LINGO2: variants seen among roughly 807,000 people sequenced by gnomAD.
LINGO2 encodes the protein leucine-rich repeat and immunoglobulin-like domain-containing nogo receptor-interacting protein 2.
A neutral mutation model predicts 30.6 loss-of-function variants in LINGO2; 14 were observed. The ratio of observed to expected loss-of-function variants is 0.46; its 90% CI spans 0.30 to 0.72. The LOEUF (loss-of-function observed/expected upper bound fraction) is 0.72, where lower values mean the gene tolerates loss of function less well. LINGO2 is among the 30% of genes least tolerant of loss of function. LINGO2 has a pLI of 0.07. For missense variants in LINGO2, 729 were observed against 751.7 expected (o/e 0.97, Z 0.35); for synonymous variants, 317 against 288.5 (o/e 1.10, Z -1.00).
At chr9:28,159,796 A>G (rs145222776) in intron 4 of LINGO2, among the ~76,000 whole-genome samples, 103 of 152,336 alleles carry the variant, frequency 6.8e-4, no homozygotes, top group Middle Eastern at 3.4e-3. Flanking sequence ...AACGATAAAC[A>G]TTATTTCAAA....
At chr9:28,427,457 C>A (rs1040997522) in intron 2 of LINGO2, among the ~76,000 whole-genome samples, 1 of 152,142 alleles carries the variant, frequency 6.6e-6, no homozygotes, top group African/African-American at 2.4e-5. Context: ...ATATTCTCTC[C>A]ATTAATCCTC....
chr9:28,534,357 A>G (rs1821346212), intron 1 of LINGO2, among the ~76,000 whole-genome samples: 1 of 152,100 alleles, frequency 6.6e-6, no homozygotes, highest in African/African-American at 2.4e-5. Flanking sequence ...ATGGTTGACT[A>G]CCTAAATACA....
intron 5 of LINGO2, among the ~76,000 whole-genome samples, chr9:27,983,902 A>C (rs533525328): frequency 5.3e-5 from 8 of 152,016 alleles, no homozygotes; most frequent in African/African-American, 1.9e-4. Flanking sequence ...CAAGGTCTAC[A>C]TCAGAGTCTT....
the LINGO2 span, among the ~76,000 whole-genome samples, chr9:29,029,857 C>A: frequency 7.3e-6 from 1 of 137,048 alleles, no homozygotes; most frequent in Non-Finnish European, 1.6e-5. Context: ...TTAAAAGAAG[C>A]TTTCAGTTTT....
intron 2 of LINGO2, among the ~76,000 whole-genome samples, chr9:28,435,004 C>CA (rs1823866295): frequency 6.6e-6 from 1 of 152,018 alleles, no homozygotes; most frequent in African/African-American, 2.4e-5. Context: ...TTTCATTTTA[C>CA]TTAAAAAAAA....
At chr9:27,975,387 T>G (rs941461671) in intron 5 of LINGO2, among the ~76,000 whole-genome samples, 1 of 151,068 alleles carries the variant, frequency 6.6e-6, no homozygotes, top group African/African-American at 2.4e-5. Flanking sequence ...TTCCAAAGGG[T>G]GGGGTAAATG....
At chr9:28,749,229 T>C in the LINGO2 span, among the ~76,000 whole-genome samples, 2 of 152,064 alleles carry the variant, frequency 1.3e-5, no homozygotes, top group Non-Finnish European at 2.9e-5. Context: ...TGTTCAGATA[T>C]CTCTTAGCAA....
At chr9:29,150,147 AT>A in the LINGO2 span, among the ~76,000 whole-genome samples, 1 of 152,196 alleles carries the variant, frequency 6.6e-6, no homozygotes, top group Non-Finnish European at 1.5e-5. Flanking sequence ...AGCAGCCCAA[AT>A]CACAATACCA....
intron 2 of LINGO2, among the ~76,000 whole-genome samples, chr9:28,466,219 C>A (rs1031652802): frequency 6.6e-6 from 1 of 152,092 alleles, no homozygotes; most frequent in Non-Finnish European, 1.5e-5. Flanking sequence ...AACCTACATG[C>A]CCACAAACAG....
chr9:29,030,305 C>T, the LINGO2 span, among the ~76,000 whole-genome samples: 1 of 152,004 alleles, frequency 6.6e-6, no homozygotes, highest in Admixed American at 6.6e-5. Context: ...TTCATCAATT[C>T]CACAATGCAT....
intron 4 of LINGO2, among the ~76,000 whole-genome samples, chr9:28,167,890 A>G (rs2891311): frequency 0.99 from 151,039 of 152,312 alleles, 74,906 homozygotes; most frequent in Middle Eastern, 1. Flanking sequence ...CACAGTAGTC[A>G]TCTCCTTCTC....
chr9:28,968,980 T>C, the LINGO2 span, among the ~76,000 whole-genome samples: 1 of 152,184 alleles, frequency 6.6e-6, no homozygotes, highest in African/African-American at 2.4e-5. Flanking sequence ...AAAGAGAATG[T>C]GGGAGCACAA....
chr9:28,226,238 G>T (rs1821138758), intron 4 of LINGO2, among the ~76,000 whole-genome samples: 2 of 152,184 alleles, frequency 1.3e-5, no homozygotes, highest in South Asian at 2.1e-4. Context: ...GTTGTTTCAG[G>T]TTCTACCCTC....
intron 4 of LINGO2, among the ~76,000 whole-genome samples, chr9:28,140,924 A>G (rs900981625): frequency 6.6e-6 from 1 of 150,464 alleles, no homozygotes; most frequent in Non-Finnish European, 1.5e-5. Flanking sequence ...TATACTTAAT[A>G]TAATCTTTAC....
intron 1 of LINGO2, among the ~76,000 whole-genome samples, chr9:28,555,546 A>T (rs898677245): frequency 1.3e-5 from 2 of 152,108 alleles, no homozygotes; most frequent in Non-Finnish European, 2.9e-5. Flanking sequence ...AGATGGATTC[A>T]CAGCCGACTT....
chr9:29,203,090 G>T, the LINGO2 span, among the ~76,000 whole-genome samples: 58 of 152,100 alleles, frequency 3.8e-4, no homozygotes, highest in Admixed American at 1.8e-3. Flanking sequence ...ATATGCAAAT[G>T]CTTCCACTTA....
rs935087504 is a variant in LINGO2 at position 28,356,377 on chromosome 9, A to G, written c.-246+16459T>C. ...AGATATTGTAACATGTATAAACTCA[A>G]TCCTCCAAACTCACTTATTAGATAT... is the stretch of plus-strand genomic sequence containing the variant. On this transcript the variant is annotated intron_variant, in intron 3 of 5. Coordinates refer to ENST00000379992, the Ensembl canonical transcript of LINGO2. Among the ~76,000 whole-genome samples, 4 of 152,116 alleles carry G rather than the reference A, an allele frequency of 2.6e-5. No homozygotes were observed. In the East Asian group the frequency reaches 7.7e-4, roughly 29 times the overall value.
the LINGO2 span, among the ~76,000 whole-genome samples, chr9:29,094,844 C>T: frequency 7.2e-6 from 1 of 138,958 alleles, no homozygotes; most frequent in Non-Finnish European, 1.6e-5. Flanking sequence ...ATTCAAGGCT[C>T]ACATTATATT....
At chr9:29,087,502 G>A in the LINGO2 span, among the ~76,000 whole-genome samples, 1 of 152,158 alleles carries the variant, frequency 6.6e-6, no homozygotes, top group African/African-American at 2.4e-5. Flanking sequence ...CAATTAGCAA[G>A]TAATGAAACT....
Sources: allele counts gnomAD v4.1 joint callset (sites outside exome capture counted in the v4.1 genomes callset), GRCh38; gene constraint gnomAD v4.1.1; transcripts MANE v1.5; gene names NCBI Gene and HGNC (gene_info 2026-07-23, HGNC 2026-07-21).